The following C5orf46 variants were observed in gnomAD, a reference collection of about 807,000 sequenced individuals.
C5orf46 encodes uncharacterized protein C5orf46.
Under a neutral mutation model 8.9 loss-of-function variants are expected in C5orf46, and 9 were observed. The observed-to-expected ratio is 1.01, with a 90% CI of 0.61 to 1.76. The LOEUF (loss-of-function observed/expected upper bound fraction) is 1.76. C5orf46 is among the 40% of genes most tolerant of loss of function. The pLI, the probability that C5orf46 is intolerant of heterozygous loss-of-function variation, is 0.00. For synonymous variants in C5orf46, 47 were observed against 41.4 expected (o/e 1.14, Z -0.52); for missense variants, 98 against 107.8 (o/e 0.91, Z 0.40).
Position 147,906,461 on chromosome 5 carries a change from A to G in C5orf46, c.41T>C (p.Leu14Pro), listed in dbSNP as rs1169595588. ...SVLRLTVVLG[L>P]LVLFLTCYAD... ...ATAGCAGGTCAGGAATAAGACAAGC[A>G]GTCCCAGGACAACTGTCAGGCGAAG... The change falls in exon 1 of 4, where the codon CTG (leucine) becomes CCG (proline). Residue 14 changes from leucine to proline, a missense_variant. Coordinates refer to ENST00000318315, the MANE Select transcript of C5orf46 (RefSeq NM_206966.3). 1 of 1,611,848 alleles carries G rather than the reference A, an allele frequency of 6.2e-7. No homozygotes were observed.
chr5:147,890,115 C>T (rs1757480654), downstream of C5orf46, among the ~76,000 whole-genome samples: 1 of 152,150 alleles, frequency 6.6e-6, no homozygotes, highest in African/African-American at 2.4e-5. Context: ...ATGAATGGTT[C>T]TTTGTGCTGG....
chr5:147,888,582 C>T (rs926653892), downstream of C5orf46, among the ~76,000 whole-genome samples: 2 of 152,174 alleles, frequency 1.3e-5, no homozygotes, highest in Non-Finnish European at 1.5e-5. Flanking sequence ...GAATTTTGTC[C>T]TATTCAACCA....
intron 2 of C5orf46, among the ~76,000 whole-genome samples, chr5:147,899,038 A>G (rs1757627240): frequency 6.6e-6 from 1 of 152,132 alleles, no homozygotes; most frequent in South Asian, 2.1e-4. Flanking sequence ...CTCTCTTCCA[A>G]ATCAAATATT....
downstream of C5orf46, among the ~76,000 whole-genome samples, chr5:147,890,227 T>G (rs1441414744): frequency 6.6e-6 from 1 of 152,160 alleles, no homozygotes; most frequent in Non-Finnish European, 1.5e-5. Context: ...GTGAGGCACT[T>G]GAAAGCAAAA....
chr5:147,890,405 A>G (rs1757484273), downstream of C5orf46, among the ~76,000 whole-genome samples: 1 of 152,200 alleles, frequency 6.6e-6, no homozygotes, highest in African/African-American at 2.4e-5. Context: ...ATTGAACAAA[A>G]AAGGCCAAAT....
chr5:147,896,946 ACT>A (rs769861536), intron 3 of C5orf46, 36 bp downstream of exon 3: 2 of 1,111,814 alleles, frequency 1.8e-6, no homozygotes, highest in African/African-American at 3.1e-5. Context: ...TGTCCAATAC[ACT>A]GTTATTTCAG....
intron 2 of C5orf46, among the ~76,000 whole-genome samples, chr5:147,898,336 CGATGA>C (rs1757615208): frequency 1.3e-5 from 2 of 151,710 alleles, no homozygotes; most frequent in African/African-American, 4.8e-5. Context: ...TTCAGCAATT[CGATGA>C]AGGTGATGAT....
chr5:147,889,199 T>C (rs1757467622), downstream of C5orf46, among the ~76,000 whole-genome samples: 2 of 152,136 alleles, frequency 1.3e-5, no homozygotes, highest in African/African-American at 2.4e-5. Context: ...ATTGAATAGC[T>C]TTTTAAAGAT....
intron 1 of C5orf46, among the ~76,000 whole-genome samples, chr5:147,903,862 C>T (rs1291243622): frequency 6.6e-6 from 1 of 152,192 alleles, no homozygotes; most frequent in East Asian, 1.9e-4. Context: ...ATCCTCCCAC[C>T]TCAGCCTCCT....
At chr5:147,906,134 T>A (rs945952246) in intron 1 of C5orf46, among the ~76,000 whole-genome samples, 2 of 152,268 alleles carry the variant, frequency 1.3e-5, no homozygotes, top group Non-Finnish European at 1.5e-5. Flanking sequence ...GGAATAATTA[T>A]CAAAAAATAA....
At chr5:147,897,399 T>C (rs1342892237) in intron 2 of C5orf46, among the ~76,000 whole-genome samples, 1 of 152,206 alleles carries the variant, frequency 6.6e-6, no homozygotes, top group East Asian at 1.9e-4. Flanking sequence ...ATTATCTCTT[T>C]TTATGTGTGA....
In C5orf46 at chr5:147,897,038, T is replaced by A. The variant is rs1757591651; in HGVS notation, c.219A>T (p.Gly73=). Reference sequence around the variant, plus strand: ...CTTCATTATCATCAAATTCCATAAATCCTCTTGAGAAAAAAAGAGAAAATA... The same window carrying A: ...CTTCATTATCATCAAATTCCATAAAACCTCTTGAGAAAAAAAGAGAAAATA... ...FILRSMSRST[G]FMEFDDNEGK... is the part of the protein sequence containing the mutation. The change falls in exon 3 of 4, where the codon GGA becomes GGT. Residue 73 remains glycine (G), a synonymous_variant. Coordinates refer to ENST00000318315, the MANE Select transcript of C5orf46 (RefSeq NM_206966.3). 4.1e-6 allele frequency: 6 copies of A among 1,462,604 alleles called. No homozygotes were observed. The highest frequency in any genetic ancestry group is 1.4e-5 in the African/African-American group (1 of 71,692). 90.6% of individuals were successfully genotyped at this position (1,462,604 alleles called of 1,614,324 possible). A position where few individuals can be genotyped will look rare whatever the true frequency, so the allele number is the denominator to read the frequency against.
intron 2 of C5orf46, among the ~76,000 whole-genome samples, chr5:147,900,401 G>A (rs1007539087): frequency 1.3e-5 from 2 of 152,108 alleles, no homozygotes; most frequent in African/African-American, 4.8e-5. Context: ...TTCTTAATCT[G>A]CTATTGGTTA....
intron 1 of C5orf46, among the ~76,000 whole-genome samples, chr5:147,904,843 A>G (rs906745470): frequency 6.7e-6 from 1 of 149,446 alleles, no homozygotes; most frequent in African/African-American, 2.4e-5. Context: ...ATATATATAC[A>G]CACACATACA....
chr5:147,899,853 A>G (rs1039744961), intron 2 of C5orf46, among the ~76,000 whole-genome samples: 7 of 152,134 alleles, frequency 4.6e-5, no homozygotes, highest in African/African-American at 1.7e-4. Flanking sequence ...AAGGGAAGAG[A>G]GCCTGAGATG....
intron 3 of C5orf46, among the ~76,000 whole-genome samples, chr5:147,895,293 G>T (rs760796693): frequency 1.6e-4 from 25 of 152,148 alleles, no homozygotes; most frequent in African/African-American, 6.0e-4. Flanking sequence ...ACAAAAATTA[G>T]TCTCTCCCTT....
chr5:147,906,170 A>G (rs1251666302), intron 1 of C5orf46, among the ~76,000 whole-genome samples: 1 of 152,218 alleles, frequency 6.6e-6, no homozygotes, highest in Non-Finnish European at 1.5e-5. Flanking sequence ...CATGGAATTT[A>G]TACTAGAATA....
At chr5:147,888,762 T>A (rs116417322), downstream of C5orf46, among the ~76,000 whole-genome samples, 1,071 of 152,338 alleles carry the variant, frequency 7.0e-3, 11 homozygotes, top group African/African-American at 0.024. Context: ...TCTGATGATT[T>A]TTTGTATCTC....
At chr5:147,893,193 A>C (rs1757528155) in intron 3 of C5orf46, among the ~76,000 whole-genome samples, 1 of 152,172 alleles carries the variant, frequency 6.6e-6, no homozygotes, top group Non-Finnish European at 1.5e-5. Flanking sequence ...TACATTGAAT[A>C]AACTCCTAAG....
Sources: allele counts gnomAD v4.1 joint callset (sites outside exome capture counted in the v4.1 genomes callset), GRCh38; gene constraint gnomAD v4.1.1; transcripts MANE v1.5; gene names NCBI Gene and HGNC (gene_info 2026-07-23, HGNC 2026-07-21).